SMYD3: variants seen among roughly 807,000 people sequenced by gnomAD.
SMYD3 encodes histone-lysine N-methyltransferase SMYD3.
In SMYD3, 36 loss-of-function variants were observed where a neutral mutation model predicts 57.7. The ratio of observed to expected loss-of-function variants is 0.62; its 90% confidence interval spans 0.48 to 0.82. The LOEUF is 0.82. SMYD3 is among the 40% of genes least tolerant of loss of function. The pLI is 0.00. For synonymous variants in SMYD3, 211 were observed against 195.0 expected (o/e 1.08, Z -0.68); for missense variants, 515 against 538.8 (o/e 0.96, Z 0.44).
chr1:245,812,186 G>C (rs1348895938), intron 10 of SMYD3, among the ~76,000 whole-genome samples: 1 of 152,104 alleles, frequency 6.6e-6, no homozygotes, highest in African/African-American at 2.4e-5. Flanking sequence ...TTCTCTCCCA[G>C]AAAACCATAA....
In SMYD3 at chr1:245,858,562, G is replaced by T; in HGVS notation, c.1010C>A (p.Ala337Asp). The change falls in exon 10 of 12, where the codon GCC becomes GAC. Residue 337 changes from alanine to aspartate, a missense_variant. Physicochemically the swap from Ala to Asp is moderately radical, Grantham distance 126 (BLOSUM62 -2). Coordinates refer to ENST00000490107, the MANE Select transcript of SMYD3 (RefSeq NM_001167740.2). ...QLKVLDCAMD[A>D]CINLGLLEEA... ...CTCCAACAGGCCGAGGTTGATGCAG[G>T]CATCCATGGCGCAGTCGAGCACCTT... 1 of 1,614,202 alleles carries T rather than the reference G, an allele frequency of 6.2e-7. No individual in the cohort carries two copies. Among genetic ancestry groups the T allele is most frequent in the Non-Finnish European group, 8.5e-7 (1 of 1,180,038 alleles).
chr1:246,358,347 C>T (rs546038613), intron 1 of SMYD3, among the ~76,000 whole-genome samples: 14 of 152,056 alleles, frequency 9.2e-5, no homozygotes, highest in Admixed American at 2.6e-4. Flanking sequence ...ATGAGATAGA[C>T]GGCAACACAA....
chr1:246,170,302 C>T (rs1403231602), intron 5 of SMYD3, among the ~76,000 whole-genome samples: 1 of 151,780 alleles, frequency 6.6e-6, no homozygotes, highest in African/African-American at 2.4e-5. Flanking sequence ...TATAATCCAA[C>T]TAATACTGCA....
chr1:245,893,039 A>T (rs2053492991), intron 8 of SMYD3, among the ~76,000 whole-genome samples: 2 of 152,234 alleles, frequency 1.3e-5, no homozygotes, highest in South Asian at 4.1e-4. Context: ...AAAACACCCA[A>T]TTTTTAAAAT....
chr1:245,756,901 T>A (rs1365007677), intron 11 of SMYD3, among the ~76,000 whole-genome samples: 1 of 152,052 alleles, frequency 6.6e-6, no homozygotes, highest in African/African-American at 2.4e-5. Flanking sequence ...CTTAGCTTCT[T>A]AAATCTACAG....
chr1:245,842,400 C>T (rs2050448524), intron 10 of SMYD3, among the ~76,000 whole-genome samples: 1 of 151,676 alleles, frequency 6.6e-6, no homozygotes, highest in South Asian at 2.1e-4. Flanking sequence ...AGCCATTTTA[C>T]TTAACCTAGC....
At chr1:246,497,262 CACTATACCATG>C (rs2068378015) in intron 1 of SMYD3, among the ~76,000 whole-genome samples, 1 of 152,152 alleles carries the variant, frequency 6.6e-6, no homozygotes, top group African/African-American at 2.4e-5. Flanking sequence ...ATCAATAAGC[CACTATACCATG>C]TAAATTTCAT....
Position 246,355,469 on chromosome 1 carries a change from G to A in SMYD3, c.165-375C>T, listed in dbSNP as rs1286326482. The A allele has an allele frequency of 1.6e-5, 3 of 183,760 alleles. No individual in the cohort carries two copies. Among genetic ancestry groups the A allele is most frequent in the East Asian group, 1.7e-4 (1 of 6,016 alleles). The allele number at this position is 183,760 out of a possible 1,614,324, so 11.4% of individuals were successfully genotyped here. A position where few individuals can be genotyped will look rare whatever the true frequency, so the allele number is the denominator to read the frequency against. Reference sequence around the variant, plus strand: ...ACAGACCCTCTGAAGGAACTGTATCGCCACTGCAGGCTCCCTGAGACTCTG... The same window carrying A: ...ACAGACCCTCTGAAGGAACTGTATCACCACTGCAGGCTCCCTGAGACTCTG... On this transcript the variant is annotated intron_variant, in intron 1 of 11. Coordinates refer to ENST00000490107, the MANE Select transcript of SMYD3 (RefSeq NM_001167740.2). This position sits in a 1 kb window ranked among gnomAD's most constrained non-coding sequence, Gnocchi z 5.0.
At chr1:246,182,234 T>C (rs1189148760) in intron 5 of SMYD3, among the ~76,000 whole-genome samples, 1 of 152,138 alleles carries the variant, frequency 6.6e-6, no homozygotes, top group Non-Finnish European at 1.5e-5. Context: ...ACAAACACTC[T>C]TATCAGTTCC....
At chr1:245,914,896 G>A (rs1398817455) in intron 8 of SMYD3, among the ~76,000 whole-genome samples, 1 of 152,022 alleles carries the variant, frequency 6.6e-6, no homozygotes, top group Non-Finnish European at 1.5e-5. Context: ...AAAACAAAAG[G>A]AAAAAACTAT....
intron 10 of SMYD3, among the ~76,000 whole-genome samples, chr1:245,772,975 G>GTATAC (rs2046397699): frequency 2.7e-5 from 4 of 150,278 alleles, no homozygotes; most frequent in Admixed American, 6.7e-5. Flanking sequence ...AACTCCATAC[G>GTATAC]AACACAAACT....
intron 5 of SMYD3, among the ~76,000 whole-genome samples, chr1:246,279,292 G>A (rs1037630588): frequency 1.4e-4 from 22 of 152,154 alleles, no homozygotes; most frequent in African/African-American, 4.3e-4. Context: ...AGGCTGAGGC[G>A]GGTGGATCAC....
chr1:246,155,022 C>A (rs1451735657), intron 5 of SMYD3, among the ~76,000 whole-genome samples: 1 of 152,052 alleles, frequency 6.6e-6, no homozygotes, highest in Non-Finnish European at 1.5e-5. Context: ...ACCTTGTGAT[C>A]TGCCCGCCTC....
chr1:245,961,625 T>A (rs2058010562), intron 5 of SMYD3, among the ~76,000 whole-genome samples: 1 of 152,174 alleles, frequency 6.6e-6, no homozygotes, highest in Non-Finnish European at 1.5e-5. Context: ...ATTCCATTTT[T>A]TTTCCCCACT....
At chr1:245,815,449 T>A (rs566159663) in intron 10 of SMYD3, among the ~76,000 whole-genome samples, 5 of 152,204 alleles carry the variant, frequency 3.3e-5, no homozygotes, top group African/African-American at 1.2e-4. Context: ...GTAACCTCCA[T>A]CAGAATAGCT....
chr1:246,030,006 CT>C (rs58066934), intron 5 of SMYD3, among the ~76,000 whole-genome samples: 25,505 of 134,986 alleles, frequency 0.19, 2,702 homozygotes, highest in East Asian at 0.41. Context: ...TTCTTTCTTT[CT>C]TTTTTTTTTT....
intron 3 of SMYD3, among the ~76,000 whole-genome samples, chr1:246,332,625 G>C (rs1240479150): frequency 6.6e-6 from 1 of 152,230 alleles, no homozygotes; most frequent in Non-Finnish European, 1.5e-5. Flanking sequence ...GGCCAACATG[G>C]TGAAACCCTG....
chr1:246,223,113 C>G (rs995084667), intron 5 of SMYD3, among the ~76,000 whole-genome samples: 10 of 151,058 alleles, frequency 6.6e-5, no homozygotes, highest in African/African-American at 2.2e-4. Flanking sequence ...CCCATCTGCC[C>G]AACTCCTTTG....
intron 10 of SMYD3, among the ~76,000 whole-genome samples, chr1:245,791,620 G>C (rs35674918): frequency 0.14 from 19,738 of 140,916 alleles, 1,624 homozygotes; most frequent in East Asian, 0.26. Context: ...GAAAGAGAGA[G>C]GGGGGCAGAC....
Sources: allele counts gnomAD v4.1 joint callset (sites outside exome capture counted in the v4.1 genomes callset), GRCh38; gene constraint gnomAD v4.1.1; non-coding constraint Gnocchi (gnomAD v3.1); transcripts MANE v1.5; gene names NCBI Gene and HGNC (gene_info 2026-07-23, HGNC 2026-07-21).